CACNA2D3: variants seen among roughly 807,000 people sequenced by gnomAD.
CACNA2D3 encodes the protein calcium voltage-gated channel auxiliary subunit alpha2delta 3.
Under a neutral mutation model 160.6 loss-of-function variants are expected in CACNA2D3, and 60 were observed. That is an observed-to-expected ratio of 0.37 (90% CI 0.30 to 0.46). The LOEUF (loss-of-function observed/expected upper bound fraction) is 0.46. CACNA2D3 is among the 20% of genes least tolerant of loss of function. The pLI, the probability that CACNA2D3 is intolerant of heterozygous loss-of-function variation, is 1.00. For synonymous variants in CACNA2D3, 558 were observed against 492.9 expected, an observed-to-expected ratio of 1.13 and a Z score of -1.75; for missense variants, 1,205 against 1,365.0, an observed-to-expected ratio of 0.88 and a Z score of 1.85.
intron 2 of CACNA2D3, among the ~76,000 whole-genome samples, chr3:54,132,604 A>G (rs1699734571): frequency 6.6e-6 from 1 of 152,254 alleles, no homozygotes; most frequent in Admixed American, 6.5e-5. Flanking sequence ...TGGATTTTCT[A>G]CTTGAACAGC....
At chr3:54,975,511 A>T (rs1390702425) in intron 29 of CACNA2D3, among the ~76,000 whole-genome samples, 1 of 133,372 alleles carries the variant, frequency 7.5e-6, no homozygotes, top group Non-Finnish European at 1.6e-5. Context: ...ACAGAGTGAG[A>T]CTTGGTCTCC....
chr3:54,670,324 C>G (rs1700137231), intron 11 of CACNA2D3, among the ~76,000 whole-genome samples: 1 of 152,200 alleles, frequency 6.6e-6, no homozygotes, highest in Non-Finnish European at 1.5e-5. Flanking sequence ...CAAGGCGTTT[C>G]CTCCTGGAGT....
At chr3:54,753,129 C>G (rs992802128) in intron 12 of CACNA2D3, among the ~76,000 whole-genome samples, 24 of 152,114 alleles carry the variant, frequency 1.6e-4, no homozygotes, top group Admixed American at 5.9e-4. Flanking sequence ...CCAAAGTGGC[C>G]TCATTACAGG....
chr3:54,854,100 C>G (rs111740023), intron 17 of CACNA2D3, among the ~76,000 whole-genome samples: 1 of 152,142 alleles, frequency 6.6e-6, no homozygotes, highest in Non-Finnish European at 1.5e-5. Context: ...CAACCTAGGC[C>G]TGGTCTGAGT....
At chr3:54,260,838 C>T (rs1559899847) in intron 2 of CACNA2D3, among the ~76,000 whole-genome samples, 1 of 152,160 alleles carries the variant, frequency 6.6e-6, no homozygotes, top group Non-Finnish European at 1.5e-5. Flanking sequence ...CTAGTTTCAG[C>T]TCAGATATCA....
intron 17 of CACNA2D3, among the ~76,000 whole-genome samples, chr3:54,854,329 C>A (rs1473417235): frequency 6.6e-6 from 1 of 152,186 alleles, no homozygotes; most frequent in African/African-American, 2.4e-5. Context: ...GCACCGTCCT[C>A]ACTGCCTGGT....
chr3:54,600,005 C>T (rs1031345034), intron 9 of CACNA2D3, among the ~76,000 whole-genome samples: 1 of 152,214 alleles, frequency 6.6e-6, no homozygotes, highest in Non-Finnish European at 1.5e-5. Context: ...CTGGCACAGC[C>T]TGTGCACGGC....
At chr3:54,341,185 C>T (rs774422962) in intron 3 of CACNA2D3, among the ~76,000 whole-genome samples, 19 of 152,316 alleles carry the variant, frequency 1.2e-4, no homozygotes, top group Non-Finnish European at 2.4e-4. Flanking sequence ...TGCTTAAGCA[C>T]CTTTGAGTTC....
chr3:54,884,956 A>G (rs1191818175), intron 21 of CACNA2D3, among the ~76,000 whole-genome samples: 2 of 152,096 alleles, frequency 1.3e-5, no homozygotes, highest in Admixed American at 1.3e-4. Context: ...AGCACCAGAG[A>G]GAGTGTTTCT....
At chr3:54,799,008 C>A (rs980977683) in intron 13 of CACNA2D3, among the ~76,000 whole-genome samples, 1 of 152,140 alleles carries the variant, frequency 6.6e-6, no homozygotes, top group Non-Finnish European at 1.5e-5. Flanking sequence ...CAAAACATGT[C>A]ATTTTAATTG....
intron 5 of CACNA2D3, among the ~76,000 whole-genome samples, chr3:54,557,833 C>T (rs747293381): frequency 4.6e-5 from 7 of 152,186 alleles, no homozygotes; most frequent in Non-Finnish European, 7.3e-5. Context: ...GTCATTTTCA[C>T]ACCCCCAGGC....
Position 54,929,755 on chromosome 3 carries a change from A to G in CACNA2D3, c.2449+29887A>G, listed in dbSNP as rs540219530. 3.3e-4 allele frequency among the ~76,000 whole-genome samples: 50 copies of G among 152,140 alleles called. No homozygotes were observed. In the South Asian group the frequency reaches 3.3e-3, roughly 10 times the overall value. On this transcript the variant is annotated intron_variant, in intron 27 of 37. Coordinates refer to ENST00000474759, the MANE Select transcript of CACNA2D3 (RefSeq NM_018398.3). ...ATGATTTCTTCCCTCCTTCCTTCCA[A>G]TCCCTCCTTCCTATCCATCTGTTTC...
intron 2 of CACNA2D3, among the ~76,000 whole-genome samples, chr3:54,315,847 A>G (rs897257634): frequency 2.6e-5 from 4 of 152,226 alleles, no homozygotes; most frequent in Admixed American, 2.0e-4. Context: ...GCTTAACTAC[A>G]AAGAGTCTAA....
At chr3:54,490,940 G>A (rs1701099421) in intron 4 of CACNA2D3, among the ~76,000 whole-genome samples, 2 of 152,112 alleles carry the variant, frequency 1.3e-5, no homozygotes, top group South Asian at 4.1e-4. Flanking sequence ...GCCGTGATAG[G>A]AGCTGGGCAT....
intron 29 of CACNA2D3, among the ~76,000 whole-genome samples, chr3:54,972,026 A>G (rs149542869): frequency 1.2e-4 from 19 of 152,254 alleles, no homozygotes; most frequent in Non-Finnish European, 2.4e-4. Context: ...AACTCTGAAG[A>G]TGTTTTCTTC....
At chr3:54,229,383 C>T (rs942882938) in intron 2 of CACNA2D3, among the ~76,000 whole-genome samples, 28 of 151,936 alleles carry the variant, frequency 1.8e-4, no homozygotes, top group African/African-American at 6.0e-4. Context: ...TTAGTAGAGA[C>T]GGGGTTTCAC....
At chr3:54,123,662 TC>T in intron 2 of CACNA2D3, 68 bp downstream of exon 2, 1 of 1,312,096 alleles carries the variant, frequency 7.6e-7, no homozygotes, top group Non-Finnish European at 1.1e-6. Flanking sequence ...GATTTAGTTT[TC>T]CAAACAAACG....
At chr3:54,758,530 G>A (rs1441731778) in intron 12 of CACNA2D3, among the ~76,000 whole-genome samples, 1 of 152,152 alleles carries the variant, frequency 6.6e-6, no homozygotes, top group African/African-American at 2.4e-5. Flanking sequence ...AGGGAGGTAG[G>A]AAGCTGTTTA....
intron 9 of CACNA2D3, among the ~76,000 whole-genome samples, chr3:54,610,681 T>A (rs1447361708): frequency 6.6e-6 from 1 of 152,134 alleles, no homozygotes; most frequent in Non-Finnish European, 1.5e-5. Flanking sequence ...TGGAGTGCAG[T>A]GGCATGATCT....
Sources: allele counts gnomAD v4.1 joint callset (sites outside exome capture counted in the v4.1 genomes callset), GRCh38; gene constraint gnomAD v4.1.1; transcripts MANE v1.5; gene names NCBI Gene and HGNC (gene_info 2026-07-23, HGNC 2026-07-21).